The following RAB3IP variants were observed in gnomAD, a reference collection of about 807,000 sequenced individuals.
The protein encoded by RAB3IP is rab-3A-interacting protein.
RAB3IP carries 36 observed loss-of-function variants against 59.1 expected under a neutral mutation model. The ratio of observed to expected loss-of-function variants is 0.61; its 90% CI spans 0.47 to 0.80. The LOEUF is 0.80. Among genes scored for constraint, RAB3IP ranks in the 30% least tolerant of loss-of-function variants. The pLI is 0.00. For synonymous variants in RAB3IP, 207 were observed against 191.2 expected, an observed-to-expected ratio of 1.08 and a Z score of -0.68; for missense variants, 511 against 536.0, an observed-to-expected ratio of 0.95 and a Z score of 0.46.
Position 69,812,973 on chromosome 12 carries a change from G to A in RAB3IP, c.1240G>A (p.Val414Ile). The A allele has an allele frequency of 6.2e-7, 1 of 1,613,536 alleles. No individual in the cohort carries two copies. The change falls in exon 10 of 11, where the codon GTA becomes ATA. Residue 414 changes from valine to isoleucine, a missense_variant. Transcript: ENST00000247833. ...SPFCRYRITS[V>I]CNFFTYIRYI... ...TCTCCATTTGGCCTAGATCACTTCT[G>A]TATGTAACTTTTTTACATACATTCG...
chr12:69,742,406 A>G (rs1271694879), intron 1 of RAB3IP, among the ~76,000 whole-genome samples: 1 of 152,178 alleles, frequency 6.6e-6, no homozygotes, highest in African/African-American at 2.4e-5. Flanking sequence ...GTTGTACCAG[A>G]TGGTACTCTT....
At chr12:69,748,548 AT>A (rs1277217357) in intron 1 of RAB3IP, among the ~76,000 whole-genome samples, 1 of 152,172 alleles carries the variant, frequency 6.6e-6, no homozygotes, top group Non-Finnish European at 1.5e-5. Flanking sequence ...TCAGAAGCAA[AT>A]TGTTTTGATC....
intron 3 of RAB3IP, among the ~76,000 whole-genome samples, chr12:69,768,894 T>C (rs1384682179): frequency 6.6e-6 from 1 of 152,154 alleles, no homozygotes; most frequent in African/African-American, 2.4e-5. Flanking sequence ...GCTGACTTCG[T>C]ATGTACCCTG....
At chr12:69,739,803 G>A (rs771159655) in intron 1 of RAB3IP, 2 of 1,612,930 alleles carry the variant, frequency 1.2e-6, no homozygotes, top group African/African-American at 1.3e-5. Flanking sequence ...CAGAAGTGAT[G>A]ATGCTGGGTG....
intron 3 of RAB3IP, among the ~76,000 whole-genome samples, chr12:69,763,302 C>T (rs1390688714): frequency 6.6e-6 from 1 of 152,172 alleles, no homozygotes; most frequent in Non-Finnish European, 1.5e-5. Flanking sequence ...GTGAAGCTCT[C>T]TTGGGCATCT....
intron 3 of RAB3IP, among the ~76,000 whole-genome samples, chr12:69,758,774 T>TTTTTTTTTTTTTTTA (rs1870663454): frequency 6.8e-6 from 1 of 147,992 alleles, no homozygotes; most frequent in Non-Finnish European, 1.5e-5. Flanking sequence ...TTTTTTTTTT[T>TTTTTTTTTTTTTTTA]TTTTTTTACA....
At chr12:69,741,529 A>G (rs1256233274) in intron 1 of RAB3IP, among the ~76,000 whole-genome samples, 1 of 152,238 alleles carries the variant, frequency 6.6e-6, no homozygotes, top group East Asian at 1.9e-4. Flanking sequence ...GAAGACGGTG[A>G]TACCAGCATT....
intron 8 of RAB3IP, among the ~76,000 whole-genome samples, chr12:69,808,079 T>G (rs1425111539): frequency 6.6e-6 from 1 of 152,258 alleles, no homozygotes; most frequent in Non-Finnish European, 1.5e-5. Context: ...CCAGAGATTC[T>G]GGTATGTTGT....
At chr12:69,807,389 G>A (rs547979807) in intron 8 of RAB3IP, among the ~76,000 whole-genome samples, 21 of 146,582 alleles carry the variant, frequency 1.4e-4, no homozygotes, top group East Asian at 1.3e-3. Context: ...CTGACGGGGC[G>A]GCCGGGAAGA....
chr12:69,781,422 T>G (rs954974833), intron 3 of RAB3IP, among the ~76,000 whole-genome samples: 8 of 152,182 alleles, frequency 5.3e-5, no homozygotes, highest in Admixed American at 4.6e-4. Flanking sequence ...ACTCTTGGTG[T>G]TGTACATGCT....
Position 69,795,342 on chromosome 12 carries a change from G to C in RAB3IP, c.886G>C (p.Glu296Gln). Residue 296 changes from glutamate (E) to glutamine (Q), a missense_variant and splice_region_variant, in exon 6 of 11, where the codon GAG (glutamate) becomes CAG (glutamine). By Grantham distance (29) the Glu-to-Gln change is conservative. Coordinates refer to ENST00000247833, the MANE Select transcript of RAB3IP (RefSeq NM_022456.5). ...VIQPIVKDCKEADLSLYNEFR... is the reference protein window; with the variant it reads ...VIQPIVKDCKQADLSLYNEFR... ...ACAGCCAATTGTAAAAGACTGCAAA[G>C]AGGTAACTCATCAAGGACTGTCCCC... 4 of 1,611,034 alleles carry C rather than the reference G, an allele frequency of 2.5e-6. No homozygotes were observed. The highest frequency in any genetic ancestry group is 3.4e-6 in the Non-Finnish European group (4 of 1,177,374).
chr12:69,757,313 C>T (rs1870389692), intron 3 of RAB3IP, among the ~76,000 whole-genome samples: 1 of 151,734 alleles, frequency 6.6e-6, no homozygotes, highest in African/African-American at 2.4e-5. Context: ...CAAAATAAAA[C>T]CAGAGCAAGT....
At chr12:69,740,398 T>G (rs900404461) in intron 1 of RAB3IP, among the ~76,000 whole-genome samples, 1 of 152,190 alleles carries the variant, frequency 6.6e-6, no homozygotes, top group African/African-American at 2.4e-5. Flanking sequence ...CCTAAAGCCC[T>G]TGTGGAATTT....
intron 1 of RAB3IP, among the ~76,000 whole-genome samples, chr12:69,743,622 A>G (rs1887555969): frequency 6.6e-6 from 1 of 152,240 alleles, no homozygotes; most frequent in African/African-American, 2.4e-5. Context: ...ACTGAACCTT[A>G]GAGAGATTAA....
chr12:69,741,232 A>T (rs894164180), intron 1 of RAB3IP, among the ~76,000 whole-genome samples: 1 of 152,098 alleles, frequency 6.6e-6, no homozygotes, highest in South Asian at 2.1e-4. Flanking sequence ...TCCTCTGGAC[A>T]TTCCCGGGAT....
intron 10 of RAB3IP, 27 bp downstream of exon 10, chr12:69,813,060 C>G: frequency 6.5e-7 from 1 of 1,545,076 alleles, no homozygotes; most frequent in South Asian, 1.2e-5. Flanking sequence ...CAATATAAGT[C>G]TTTACATAAA....
intron 3 of RAB3IP, among the ~76,000 whole-genome samples, chr12:69,760,177 A>T (rs998659888): frequency 1.3e-5 from 2 of 152,264 alleles, no homozygotes; most frequent in African/African-American, 2.4e-5. Flanking sequence ...TAGGAGCTGG[A>T]GACCAGCCCG....
chr12:69,795,067 C>A, intron 5 of RAB3IP, 74 bp from the exon 6 acceptor site: 1 of 1,052,078 alleles, frequency 9.5e-7, no homozygotes, highest in Non-Finnish European at 1.4e-6. Context: ...GTGTTTTGAC[C>A]AGATTGCTAA....
chr12:69,798,170 T>G (rs1877819471), intron 6 of RAB3IP, among the ~76,000 whole-genome samples: 1 of 152,220 alleles, frequency 6.6e-6, no homozygotes, highest in African/African-American at 2.4e-5. Flanking sequence ...TTCCTCTACA[T>G]CCTCTCCAGC....
Sources: gnomAD v4.1 joint callset for allele counts (sites outside exome capture counted in the v4.1 genomes callset) on GRCh38, gnomAD v4.1.1 for gene constraint, MANE v1.5 for transcripts, NCBI Gene and HGNC (gene_info 2026-07-23, HGNC 2026-07-21) for gene names.